Variants in ZBTB26 observed in about 807,000 individuals in gnomAD.
ZBTB26 encodes zinc finger and BTB domain containing 26.
In ZBTB26, 12 loss-of-function variants were observed where a neutral mutation model predicts 31.6. That is an observed-to-expected ratio of 0.38 (90% CI 0.24 to 0.61). ZBTB26 has a LOEUF of 0.61. Ranked by LOEUF, ZBTB26 falls within the 20% of genes least tolerant of loss-of-function variation. The pLI is 0.60. For synonymous variants in ZBTB26, 155 were observed against 182.9 expected, an observed-to-expected ratio of 0.85 and a Z score of 1.23; for missense variants, 311 against 521.9, an observed-to-expected ratio of 0.60 and a Z score of 3.94.
At position 122,915,859 on chromosome 9, in the gene ZBTB26, C is replaced by G. The variant is rs991188877; in HGVS notation, c.*2750G>C. On this transcript the variant is annotated 3_prime_UTR_variant, in exon 2 of 2. Coordinates refer to ENST00000373656, the MANE Select transcript of ZBTB26 (RefSeq NM_020924.4). ...CTGACAGAGTAATTTTTTTTTAAAC[C>G]AAACTATGGTAGAGAGTCATCTCCT... 1 of 151,630 alleles carries G rather than the reference C, an allele frequency of 6.6e-6. No individual in the cohort carries two copies. Among genetic ancestry groups the G allele is most frequent in the Non-Finnish European group, 1.5e-5 (1 of 67,900 alleles). 9.4% of individuals were successfully genotyped at this position (151,630 alleles called of 1,614,324 possible). A position where few individuals can be genotyped will look rare whatever the true frequency, so the allele number is the denominator to read the frequency against.
rs547281196 is a variant in ZBTB26, at chr9:122,915,758, CTTAAA to C, written c.*2846_*2850del. ...ATTTATAGATCTGCTAATAAAGAAA[CTTAAA>C]TTAAAATCATATCTGATTTACCTCA... On this transcript the variant is annotated 3_prime_UTR_variant, in exon 2 of 2. Transcript: ENST00000373656. The C allele has an allele frequency of 9.9e-5, 15 of 152,164 alleles. No homozygotes were observed. The highest frequency in any genetic ancestry group is 2.2e-4 in the Non-Finnish European group (15 of 68,030). The allele number at this position is 152,164 out of a possible 1,614,324, so 9.4% of individuals were successfully genotyped here. A position where few individuals can be genotyped will look rare whatever the true frequency, so the allele number is the denominator to read the frequency against.
chr9:122,919,945 C>A lies in ZBTB26; in HGVS notation c.-10-1G>T. The A allele has an allele frequency of 6.5e-7, 1 of 1,550,262 alleles. No homozygotes were observed. The highest frequency in any genetic ancestry group is 8.7e-7 in the Non-Finnish European group (1 of 1,154,492). The stretch of plus-strand genomic sequence containing the variant: ...TGATCTTTCAGACATTTTGGCAGAC[C>A]TAAAGAACAGAAATGTAAAAAGGTT... On this transcript the variant is annotated splice_acceptor_variant, in intron 1 of 1. Coordinates refer to ENST00000373656, the MANE Select transcript of ZBTB26 (RefSeq NM_020924.4). LOFTEE classifies it low-confidence loss of function (5UTR_SPLICE). This position sits in a 1 kb window ranked among gnomAD's most constrained non-coding sequence, Gnocchi z 6.1.
chr9:122,922,548 T>C (rs12683130), intron 1 of ZBTB26, among the ~76,000 whole-genome samples: 9,968 of 152,310 alleles, frequency 0.065, 1,279 homozygotes, highest in East Asian at 0.54. Flanking sequence ...ACATTGCTTG[T>C]CCCATTACTG....
intron 1 of ZBTB26, among the ~76,000 whole-genome samples, chr9:122,924,456 CAGA>C (rs1426907303): frequency 1.3e-5 from 2 of 152,084 alleles, no homozygotes; most frequent in Non-Finnish European, 2.9e-5. Flanking sequence ...TGACAAAAAA[CAGA>C]AGAATAATGA....
At position 122,918,728 on chromosome 9, in the gene ZBTB26, T is replaced by C; in HGVS notation, c.1207A>G (p.Thr403Ala). The change falls in exon 2 of 2, where the codon ACA (threonine) becomes GCA (alanine). Residue 403 changes from threonine (T) to alanine (A), a missense_variant. Thr to Ala is a moderately conservative substitution (Grantham distance 58, BLOSUM62 0). This residue lies in a region of ZBTB26 where 49 missense variants were observed against 66.0 expected (regional missense o/e 0.74). Coordinates refer to ENST00000373656, the MANE Select transcript of ZBTB26 (RefSeq NM_020924.4). Reference sequence around the variant, plus strand: ...CACCCTTTAGAGTCTGTGACTGTTGTACATGCAAAAGAATCAAAATCCACT... The same window carrying C: ...CACCCTTTAGAGTCTGTGACTGTTGCACATGCAAAAGAATCAAAATCCACT... ...LTVDFDSFAC[T>A]TVTDSKGCQP... The C allele has an allele frequency of 6.2e-7, 1 of 1,614,214 alleles. No individual in the cohort carries two copies. The highest frequency in any genetic ancestry group is 1.1e-5 in the South Asian group (1 of 91,090).
intron 1 of ZBTB26, among the ~76,000 whole-genome samples, chr9:122,922,521 T>C (rs1833116114): frequency 6.6e-6 from 1 of 152,240 alleles, no homozygotes; most frequent in African/African-American, 2.4e-5. Context: ...TTGAATTATA[T>C]TATACTTATT....
At chr9:122,928,467 C>T (rs1407527751) in intron 1 of ZBTB26, among the ~76,000 whole-genome samples, 1 of 152,108 alleles carries the variant, frequency 6.6e-6, no homozygotes, top group Non-Finnish European at 1.5e-5. Context: ...GACACCACGC[C>T]CGGCCTAGTT....
At position 122,919,728 on chromosome 9, in the gene ZBTB26, C is replaced by G; in HGVS notation, c.207G>C (p.Glu69Asp). The G allele has an allele frequency of 1.2e-6, 2 of 1,614,160 alleles. No homozygotes were observed. Among genetic ancestry groups the G allele is most frequent in the South Asian group, 1.1e-5 (1 of 91,082 alleles). Residue 69 changes from glutamate (E) to aspartate (D), a missense_variant, in exon 2 of 2, where the codon GAG (glutamate) becomes GAC (aspartate). This residue lies in a region of ZBTB26 where 207 missense variants were observed against 298.6 expected (regional missense o/e 0.69). Transcript: ENST00000373656. This position sits in a 1 kb window ranked among gnomAD's most constrained non-coding sequence, Gnocchi z 6.1. ...AACTCTGTAATATGGAGATTTTCAC[C>G]TCTCTGGAATCATTCAGTAAAAATT... is the stretch of plus-strand genomic sequence containing the variant. ...RDQFLLNDSR[E>D]VKISILQSSE...
rs1833017597 is a variant in ZBTB26 at position 122,916,382 on chromosome 9, A to G, written c.*2227T>C. On this transcript the variant is annotated 3_prime_UTR_variant, in exon 2 of 2. Coordinates refer to ENST00000373656, the MANE Select transcript of ZBTB26 (RefSeq NM_020924.4). ...ATCCTCAGTATCTAGCATAGTGTCTAGCAACAGTAGGTGCTTAACTAATGT... is the reference window on the plus strand; with the variant it reads ...ATCCTCAGTATCTAGCATAGTGTCTGGCAACAGTAGGTGCTTAACTAATGT... 6.6e-6 allele frequency: 1 copy of G among 152,224 alleles called. No homozygotes were observed. The highest frequency in any genetic ancestry group is 2.1e-4 in the South Asian group (1 of 4,828). 9.4% of individuals were successfully genotyped at this position (152,224 alleles called of 1,614,324 possible). A position where few individuals can be genotyped will look rare whatever the true frequency, so the allele number is the denominator to read the frequency against.
intron 1 of ZBTB26, among the ~76,000 whole-genome samples, chr9:122,929,942 C>G (rs1046283641): frequency 6.6e-6 from 1 of 152,118 alleles, no homozygotes; most frequent in African/African-American, 2.4e-5. Context: ...TGCACTCCTA[C>G]ACTTTATTGC....
In ZBTB26 at chr9:122,917,707, G is replaced by A. The variant is rs1833032766; in HGVS notation, c.*902C>T. On this transcript the variant is annotated 3_prime_UTR_variant, in exon 2 of 2. Transcript: ENST00000373656. The stretch of plus-strand genomic sequence containing the variant: ...GATGGCCAAACTCACCTTTCTGATG[G>A]CTAAACTCTGAAACAAAATTCAGAG... 1 of 152,142 alleles carries A rather than the reference G, an allele frequency of 6.6e-6. No homozygotes were observed. The highest frequency in any genetic ancestry group is 1.5e-5 in the Non-Finnish European group (1 of 68,022). The allele number at this position is 152,142 out of a possible 1,614,324, so 9.4% of individuals were successfully genotyped here. A position where few individuals can be genotyped will look rare whatever the true frequency, so the allele number is the denominator to read the frequency against.
chr9:122,920,626 T>C (rs1051256870), intron 1 of ZBTB26, among the ~76,000 whole-genome samples: 3 of 152,250 alleles, frequency 2.0e-5, no homozygotes, highest in Non-Finnish European at 4.4e-5. Flanking sequence ...GTCACAGAAC[T>C]AACGGGACAA....
At position 122,919,304 on chromosome 9, in the gene ZBTB26, A is replaced by C; in HGVS notation, c.631T>G (p.Leu211Val). 1 of 1,614,174 alleles carries C rather than the reference A, an allele frequency of 6.2e-7. No homozygotes were observed. Among genetic ancestry groups the C allele is most frequent in the Non-Finnish European group, 8.5e-7 (1 of 1,180,030 alleles). ...NQFISSEPTA[L>V]HSSEPQHSLI... The stretch of plus-strand genomic sequence containing the variant: ...GAGTGCTGGGGCTCTGATGAATGTA[A>C]AGCAGTGGGTTCAGAAGAAATAAAC... The change falls in exon 2 of 2, where the codon TTA becomes GTA. Residue 211 changes from leucine (L) to valine (V), a missense_variant. By Grantham distance (32) the Leu-to-Val change is conservative. Transcript: ENST00000373656. This position sits in a 1 kb window ranked among gnomAD's most constrained non-coding sequence, Gnocchi z 6.1.
intron 1 of ZBTB26, among the ~76,000 whole-genome samples, chr9:122,926,381 C>T (rs1286458184): frequency 6.6e-6 from 1 of 151,794 alleles, no homozygotes; most frequent in Non-Finnish European, 1.5e-5. Flanking sequence ...GTGGCGGGCA[C>T]CTGTAGTCCT....
chr9:122,928,687 ATCCC>A (rs1410943993), intron 1 of ZBTB26, among the ~76,000 whole-genome samples: 7 of 152,140 alleles, frequency 4.6e-5, no homozygotes, highest in Admixed American at 2.6e-4. Context: ...TATGTTAACA[ATCCC>A]TAAATCCCAA....
In ZBTB26 at chr9:122,915,820, TAATA is replaced by T. The variant is rs1833011363; in HGVS notation, c.*2785_*2788del. ...CTTCAGTTTGGAGTTTAGTATTAAA[TAATA>T]AATAAATAACTGACAGAGTAATTTT... is the stretch of plus-strand genomic sequence containing the variant. On this transcript the variant is annotated 3_prime_UTR_variant, in exon 2 of 2. Coordinates refer to ENST00000373656, the MANE Select transcript of ZBTB26 (RefSeq NM_020924.4). 1.3e-5 allele frequency: 2 copies of T among 152,226 alleles called. No homozygotes were observed. The highest frequency in any genetic ancestry group is 2.1e-4 in the South Asian group (1 of 4,830). 9.4% of individuals were successfully genotyped at this position (152,226 alleles called of 1,614,324 possible).
chr9:122,923,377 T>C (rs561957966), intron 1 of ZBTB26, among the ~76,000 whole-genome samples: 38 of 126,364 alleles, frequency 3.0e-4, no homozygotes, highest in African/African-American at 9.3e-4. Flanking sequence ...AGAGGAGCGA[T>C]GTAGACAAGC....
chr9:122,919,083 G>C lies in ZBTB26; in HGVS notation c.852C>G (p.His284Gln). The C allele has an allele frequency of 6.2e-7, 1 of 1,614,184 alleles. No homozygotes were observed. Among genetic ancestry groups the C allele is most frequent in the South Asian group, 1.1e-5 (1 of 91,086 alleles). ...TTAAATGGTTGGCGTAGTTCTCCAG[G>C]TGACGAAACACCCTGGTACACTTTG... is the stretch of plus-strand genomic sequence containing the variant. Reference protein sequence around the residue: ...QCPKCTRVFRHLENYANHLKM... With the variant: ...QCPKCTRVFRQLENYANHLKM... The change falls in exon 2 of 2, where the codon CAC (histidine) becomes CAG (glutamine). Residue 284 changes from histidine to glutamine, a missense_variant. His to Gln is a conservative substitution (Grantham distance 24). Around this residue, in one of 5 missense-constraint regions of ZBTB26, gnomAD observed 207 missense variants for 298.6 expected, o/e 0.69. Coordinates refer to ENST00000373656, the MANE Select transcript of ZBTB26 (RefSeq NM_020924.4). This position sits in a 1 kb window ranked among gnomAD's most constrained non-coding sequence, Gnocchi z 6.1.
intron 1 of ZBTB26, among the ~76,000 whole-genome samples, chr9:122,927,667 C>G (rs1315121088): frequency 6.6e-6 from 1 of 152,078 alleles, no homozygotes; most frequent in Non-Finnish European, 1.5e-5. Flanking sequence ...TCCAAGTTAT[C>G]AAGCTTTTGT....
Sources: allele counts gnomAD v4.1 joint callset (sites outside exome capture counted in the v4.1 genomes callset), GRCh38; gene constraint gnomAD v4.1.1; regional missense constraint gnomAD v4.1.1; non-coding constraint Gnocchi (gnomAD v3.1); transcripts MANE v1.5; gene names NCBI Gene and HGNC (gene_info 2026-07-23, HGNC 2026-07-21).